CNTN4: variants seen among roughly 807,000 people sequenced by gnomAD.
CNTN4 encodes contactin-4.
CNTN4 carries 77 observed loss-of-function variants against 122.5 expected under a neutral mutation model. The ratio of observed to expected loss-of-function variants is 0.63; its 90% CI spans 0.52 to 0.76. The LOEUF is 0.76. CNTN4 is among the 30% of genes least tolerant of loss of function. The probability of loss-of-function intolerance (pLI) is 0.00; values close to 1 mark genes in which losing one functional copy is unlikely to be tolerated. For synonymous variants in CNTN4, 512 were observed against 447.0 expected, an observed-to-expected ratio of 1.15 and a Z score of -1.83; for missense variants, 1,256 against 1,259.1, an observed-to-expected ratio of 1.00 and a Z score of 0.04.
At chr3:2,958,275 T>C (rs2094820399) in intron 13 of CNTN4, among the ~76,000 whole-genome samples, 1 of 152,200 alleles carries the variant, frequency 6.6e-6, no homozygotes, top group Non-Finnish European at 1.5e-5. Context: ...TTTCATATGG[T>C]ACATTAATAA....
At chr3:2,526,947 G>A (rs191611670) in intron 3 of CNTN4, among the ~76,000 whole-genome samples, 53 of 152,240 alleles carry the variant, frequency 3.5e-4, no homozygotes, top group African/African-American at 1.2e-3. Context: ...TCTGAATCTT[G>A]TTTTCATTGC....
At chr3:2,510,729 T>C (rs1333450568) in intron 3 of CNTN4, among the ~76,000 whole-genome samples, 1 of 152,116 alleles carries the variant, frequency 6.6e-6, no homozygotes, top group African/African-American at 2.4e-5. Flanking sequence ...ACATGTTCTG[T>C]TTAAAAATGT....
At chr3:2,908,830 A>G (rs1213297344) in intron 12 of CNTN4, among the ~76,000 whole-genome samples, 1 of 152,130 alleles carries the variant, frequency 6.6e-6, no homozygotes, top group Non-Finnish European at 1.5e-5. Context: ...AGGACTGTAT[A>G]ATGGAGGAGA....
intron 2 of CNTN4, among the ~76,000 whole-genome samples, chr3:2,242,125 A>C (rs1047700322): frequency 2.0e-4 from 30 of 152,194 alleles, no homozygotes; most frequent in African/African-American, 7.2e-4. Context: ...AATGCATAAT[A>C]ACTTTTAAAA....
chr3:2,408,747 C>G (rs946393724), intron 3 of CNTN4, among the ~76,000 whole-genome samples: 4 of 152,076 alleles, frequency 2.6e-5, no homozygotes, highest in Non-Finnish European at 4.4e-5. Flanking sequence ...GTGAAAATAG[C>G]TTCATCATAG....
intron 4 of CNTN4, among the ~76,000 whole-genome samples, chr3:2,633,637 CA>C (rs2082537672): frequency 6.6e-6 from 1 of 152,108 alleles, no homozygotes; most frequent in Non-Finnish European, 1.5e-5. Context: ...AATGTAATCA[CA>C]AAAACAGCTA....
chr3:2,163,078 C>T (rs367952325), intron 2 of CNTN4, among the ~76,000 whole-genome samples: 1 of 152,174 alleles, frequency 6.6e-6, no homozygotes, highest in Non-Finnish European at 1.5e-5. Context: ...GCCTGAGCAG[C>T]AAAACAAGAC....
At chr3:2,416,259 A>T (rs909563877) in intron 3 of CNTN4, among the ~76,000 whole-genome samples, 7 of 152,164 alleles carry the variant, frequency 4.6e-5, no homozygotes, top group Admixed American at 1.3e-4. Context: ...CTTAAATTTG[A>T]TGTTTAATAG....
Position 2,293,495 on chromosome 3 carries a change from G to A in CNTN4, c.-144-45683G>A, listed in dbSNP as rs189094129. Among the ~76,000 whole-genome samples the A allele has an allele frequency of 1.4e-4, 21 of 152,190 alleles. No homozygotes were observed. The East Asian group carries it at 3.5e-3, about 25-fold the overall frequency. ...ACCACTTACTAACTAATGACTTTAG[G>A]CAAGTTACTTAATTTCCCTGTGTCT... On this transcript the variant is annotated intron_variant, in intron 2 of 24. Coordinates refer to ENST00000418658, the MANE Select transcript of CNTN4 (RefSeq NM_175607.3).
intron 4 of CNTN4, among the ~76,000 whole-genome samples, chr3:2,608,309 C>T (rs974408272): frequency 2.0e-5 from 3 of 152,182 alleles, no homozygotes; most frequent in Non-Finnish European, 4.4e-5. Context: ...ATATTAGGCT[C>T]TTTTGCCAGG....
intron 3 of CNTN4, among the ~76,000 whole-genome samples, chr3:2,417,263 T>C (rs2047450396): frequency 2.6e-5 from 4 of 152,244 alleles, no homozygotes; most frequent in Admixed American, 2.6e-4. Context: ...GACTGTATCA[T>C]CGTAGACAGT....
At chr3:2,978,931 G>A (rs12053995) in intron 13 of CNTN4, among the ~76,000 whole-genome samples, 69,483 of 152,032 alleles carry the variant, frequency 0.46, 18,823 homozygotes, top group African/African-American at 0.77. Flanking sequence ...GTGAGGTCTG[G>A]TATAAAGAAA....
chr3:2,383,829 C>G (rs1337788828), intron 3 of CNTN4, among the ~76,000 whole-genome samples: 1 of 151,544 alleles, frequency 6.6e-6, no homozygotes, highest in African/African-American at 2.4e-5. Flanking sequence ...TCCTCTCTCC[C>G]TATCTCACTC....
chr3:2,111,756 T>A (rs1370402597), intron 2 of CNTN4, among the ~76,000 whole-genome samples: 1 of 152,168 alleles, frequency 6.6e-6, no homozygotes, highest in Non-Finnish European at 1.5e-5. Context: ...TTGTGAAGAC[T>A]AAAGTTACTT....
At chr3:2,500,328 T>G (rs537651630) in intron 3 of CNTN4, among the ~76,000 whole-genome samples, 2 of 152,242 alleles carry the variant, frequency 1.3e-5, no homozygotes, top group South Asian at 2.1e-4. Context: ...TTTTTGTTGC[T>G]TTTTTAGTCA....
At chr3:2,358,232 A>G (rs760972502) in intron 3 of CNTN4, among the ~76,000 whole-genome samples, 7 of 152,162 alleles carry the variant, frequency 4.6e-5, no homozygotes, top group Non-Finnish European at 5.9e-5. Context: ...ATGTTTTGGT[A>G]GTTTCTGTGA....
At chr3:2,120,527 C>T (rs1035923532) in intron 2 of CNTN4, among the ~76,000 whole-genome samples, 8 of 150,276 alleles carry the variant, frequency 5.3e-5, no homozygotes, top group South Asian at 2.1e-4. Context: ...CTCAGCCTCC[C>T]GAGTAGCTGG....
chr3:2,489,832 T>G (rs2076264526), intron 3 of CNTN4, among the ~76,000 whole-genome samples: 1 of 152,222 alleles, frequency 6.6e-6, no homozygotes, highest in Admixed American at 6.5e-5. Context: ...ATTCTCTGTT[T>G]TATTCAATTT....
At chr3:2,393,692 A>C (rs1434618146) in intron 3 of CNTN4, among the ~76,000 whole-genome samples, 1 of 152,164 alleles carries the variant, frequency 6.6e-6, no homozygotes, top group African/African-American at 2.4e-5. Context: ...GATGTTTTCA[A>C]GTATTTCTGT....
Sources: allele counts gnomAD v4.1 joint callset (sites outside exome capture counted in the v4.1 genomes callset), GRCh38; gene constraint gnomAD v4.1.1; transcripts MANE v1.5; gene names NCBI Gene and HGNC (gene_info 2026-07-23, HGNC 2026-07-21).